PXDNL: variants seen among roughly 807,000 people sequenced by gnomAD.
The protein encoded by PXDNL is probable oxidoreductase PXDNL.
In PXDNL, 145 loss-of-function variants were observed where a neutral mutation model predicts 150.8. The ratio of observed to expected loss-of-function variants is 0.96; its 90% CI spans 0.84 to 1.10. The LOEUF (loss-of-function observed/expected upper bound fraction) is 1.10. Ranked by LOEUF, PXDNL falls within the 50% of genes least tolerant of loss-of-function variation. The pLI is 0.00. For synonymous variants in PXDNL, 757 were observed against 725.7 expected (o/e 1.04, Z -0.69); for missense variants, 2,087 against 1,873.9 (o/e 1.11, Z -2.10).
intron 17 of PXDNL, 142 bp from the exon 18 acceptor site, chr8:51,374,873 G>A: frequency 9.6e-7 from 1 of 1,044,886 alleles, no homozygotes; most frequent in South Asian, 1.7e-5. Flanking sequence ...TCATTTCATG[G>A]GGGAAAGCAC....
chr8:51,721,733 C>A, intron 1 of PXDNL: 1 of 429,166 alleles, frequency 2.3e-6, no homozygotes, highest in South Asian at 1.9e-5. Context: ...ACTTCACTAT[C>A]ATCATCATCA....
intron 17 of PXDNL, 44 bp from the exon 18 acceptor site, chr8:51,374,775 T>A (rs565366998): frequency 6.3e-7 from 1 of 1,595,022 alleles, no homozygotes; most frequent in Middle Eastern, 1.7e-4. Context: ...AGACTGAAAG[T>A]GGAATTGAAA....
intron 5 of PXDNL, among the ~76,000 whole-genome samples, chr8:51,495,189 A>G (rs1457362762): frequency 1.3e-5 from 2 of 152,124 alleles, no homozygotes; most frequent in Non-Finnish European, 2.9e-5. Flanking sequence ...TACTGGGTAC[A>G]TAACAAAATG....
intron 18 of PXDNL, among the ~76,000 whole-genome samples, chr8:51,373,717 A>G (rs767276008): frequency 3.9e-5 from 6 of 152,218 alleles, no homozygotes; most frequent in Non-Finnish European, 7.3e-5. Flanking sequence ...CTTTGTTTCA[A>G]GTCTTATATA....
At chr8:51,377,178 G>T (rs958845237) in intron 17 of PXDNL, among the ~76,000 whole-genome samples, 6 of 149,796 alleles carry the variant, frequency 4.0e-5, no homozygotes, top group African/African-American at 1.5e-4. Context: ...TCTCAGATTT[G>T]TAAATGGTGT....
chr8:51,539,783 G>A (rs536430930), intron 4 of PXDNL, among the ~76,000 whole-genome samples: 16 of 152,084 alleles, frequency 1.1e-4, no homozygotes, highest in African/African-American at 3.9e-4. Flanking sequence ...CATTTAATAT[G>A]CATATTATCT....
intron 1 of PXDNL, among the ~76,000 whole-genome samples, chr8:51,676,557 G>C (rs541470006): frequency 6.6e-6 from 1 of 151,836 alleles, no homozygotes; most frequent in South Asian, 2.1e-4. Flanking sequence ...GATTACAGGC[G>C]TGAGCCACCA....
intron 6 of PXDNL, among the ~76,000 whole-genome samples, chr8:51,479,823 A>G (rs1258331807): frequency 6.6e-6 from 1 of 152,176 alleles, no homozygotes; most frequent in Admixed American, 6.5e-5. Flanking sequence ...TATGTTATAT[A>G]TCCATGTAAC....
intron 2 of PXDNL, among the ~76,000 whole-genome samples, chr8:51,644,749 G>A (rs6986665): frequency 0.09 from 13,700 of 151,732 alleles, 915 homozygotes; most frequent in East Asian, 0.23. Flanking sequence ...GAGTCACCGC[G>A]CCGGGATGAT....
At position 51,654,833 on chromosome 8, in the gene PXDNL, A is replaced by G. The variant is rs1815118477; in HGVS notation, c.165-73T>C. The G allele has an allele frequency of 4.3e-6, 5 of 1,152,924 alleles. No homozygotes were observed. In the Admixed American group the frequency reaches 9.0e-5, roughly 21 times the overall value. 71.4% of individuals were successfully genotyped at this position (1,152,924 alleles called of 1,614,324 possible). A position where few individuals can be genotyped will look rare whatever the true frequency, so the allele number is the denominator to read the frequency against. On this transcript the variant is annotated intron_variant, in intron 1 of 22. Coordinates refer to ENST00000356297, the MANE Select transcript of PXDNL (RefSeq NM_144651.5). ...TCTGCCATTATTTCCAGAAGCTTGA[A>G]GGCTAAATCTCCTTTTATGATCAAA...
At chr8:51,423,311 G>A (rs1258140151) in intron 14 of PXDNL, among the ~76,000 whole-genome samples, 5 of 152,084 alleles carry the variant, frequency 3.3e-5, no homozygotes, top group Non-Finnish European at 5.9e-5. Flanking sequence ...TTTTTGGTTT[G>A]TAAGAAAACA....
At chr8:51,736,030 T>C (rs1817032248) in intron 1 of PXDNL, among the ~76,000 whole-genome samples, 1 of 152,220 alleles carries the variant, frequency 6.6e-6, no homozygotes, top group Non-Finnish European at 1.5e-5. Context: ...GACATTTTAA[T>C]TGAGGCCTGT....
chr8:51,529,810 A>G (rs936726614), intron 4 of PXDNL, among the ~76,000 whole-genome samples: 8 of 152,024 alleles, frequency 5.3e-5, no homozygotes, highest in Non-Finnish European at 1.2e-4. Context: ...CCATTCTTCC[A>G]CATCTTGGTA....
chr8:51,684,823 C>T (rs1299173912), intron 1 of PXDNL, among the ~76,000 whole-genome samples: 2 of 152,146 alleles, frequency 1.3e-5, no homozygotes, highest in African/African-American at 2.4e-5. Context: ...GAATGGTCCC[C>T]AGATGACAGC....
chr8:51,617,476 C>A (rs762913613), intron 2 of PXDNL, among the ~76,000 whole-genome samples: 2 of 152,178 alleles, frequency 1.3e-5, no homozygotes, highest in Non-Finnish European at 2.9e-5. Flanking sequence ...ACTGCCACTG[C>A]AAACAGAAAT....
At chr8:51,446,551 T>C (rs1257577578) in intron 12 of PXDNL, among the ~76,000 whole-genome samples, 1 of 152,160 alleles carries the variant, frequency 6.6e-6, no homozygotes, top group Admixed American at 6.5e-5. Context: ...TTCCACAATA[T>C]ATATTATGTA....
At chr8:51,390,150 C>T (rs1807849859) in intron 17 of PXDNL, among the ~76,000 whole-genome samples, 1 of 152,090 alleles carries the variant, frequency 6.6e-6, no homozygotes, top group African/African-American at 2.4e-5. Flanking sequence ...GCCAAACTAT[C>T]CAAATGTTGC....
intron 6 of PXDNL, among the ~76,000 whole-genome samples, chr8:51,480,320 T>A (rs1279439429): frequency 6.6e-6 from 1 of 152,204 alleles, no homozygotes; most frequent in Non-Finnish European, 1.5e-5. Flanking sequence ...GGAAGCATAG[T>A]GCCAGCATTA....
chr8:51,720,767 T>C (rs985029140), intron 1 of PXDNL, among the ~76,000 whole-genome samples: 2 of 152,208 alleles, frequency 1.3e-5, no homozygotes, highest in Non-Finnish European at 2.9e-5. Context: ...ATAAAGAGCA[T>C]ATTCACACAG....
Sources: gnomAD v4.1 joint callset for allele counts (sites outside exome capture counted in the v4.1 genomes callset) on GRCh38, gnomAD v4.1.1 for gene constraint, MANE v1.5 for transcripts, NCBI Gene and HGNC (gene_info 2026-07-23, HGNC 2026-07-21) for gene names.